Variants in SOX2 observed in about 807,000 individuals in gnomAD.
The protein encoded by SOX2 is SRY-box transcription factor 2, also known as transcription factor SOX-2.
In SOX2, 2 loss-of-function variants were observed where a neutral mutation model predicts 19.7. The observed-to-expected ratio is 0.10, with a 90% confidence interval of 0.04 to 0.32. The LOEUF is 0.32. Ranked by LOEUF, SOX2 falls within the 10% of genes least tolerant of loss-of-function variation. The pLI is 1.00. For missense variants in SOX2, 294 were observed against 459.9 expected, an observed-to-expected ratio of 0.64 and a Z score of 3.30; for synonymous variants, 211 against 196.8, an observed-to-expected ratio of 1.07 and a Z score of -0.60.
chr3:181,713,407 G>A lies in SOX2; in HGVS notation c.*93G>A. The A allele has an allele frequency of 2.0e-6, 3 of 1,468,800 alleles. No homozygotes were observed. The highest frequency in any genetic ancestry group is 2.8e-6 in the Non-Finnish European group (3 of 1,075,522). The allele number at this position is 1,468,800 out of a possible 1,614,324, so 91.0% of individuals were successfully genotyped here. ...AAAGAGGAGAGTAAGAAACAGCATG[G>A]AGAAAACCCGGTACGCTCAAAAAGA... is the stretch of plus-strand genomic sequence containing the variant. On this transcript the variant is annotated 3_prime_UTR_variant, in exon 1 of 1. Transcript: ENST00000325404.
rs1204543187 is a variant in SOX2, at chr3:181,712,366, C to T, written c.6C>T (p.Tyr2=). 1 of 1,534,848 alleles carries T rather than the reference C, an allele frequency of 6.5e-7. No homozygotes were observed. Among genetic ancestry groups the T allele is most frequent in the African/African-American group, 1.4e-5 (1 of 71,898 alleles). Residue 2 remains tyrosine, a synonymous_variant, in exon 1 of 1, where the codon TAC becomes TAT. Coordinates refer to ENST00000325404, the MANE Select transcript of SOX2 (RefSeq NM_003106.4). The surrounding 1 kb of genome is among the most constrained non-coding windows in gnomAD (Gnocchi z 8.5). ...GGCCCGCGCACAGCGCCCGCATGTA[C>T]AACATGATGGAGACGGAGCTGAAGC... M[Y]NMMETELKPP...
Position 181,713,605 on chromosome 3 carries a change from T to TGGGTTGGGG in SOX2, c.*294_*295insTTGGGGGGG. ...TTGTACAGAGAAAACCTGGGGAGGG[T>TGGGTTGGGG]GGGGAGGGCGGGGGAATGGACCTTG... On this transcript the variant is annotated 3_prime_UTR_variant, in exon 1 of 1. Transcript: ENST00000325404. 1.4e-5 allele frequency: 1 copy of TGGGTTGGGG among 69,164 alleles called. No homozygotes were observed. Among genetic ancestry groups the TGGGTTGGGG allele is most frequent in the African/African-American group, 1.6e-4 (1 of 6,232 alleles). 4.3% of individuals were successfully genotyped at this position (69,164 alleles called of 1,614,324 possible).
rs1341730817 is a variant in SOX2 at position 181,712,722 on chromosome 3, A to T, written c.362A>T (p.Lys121Met). 6.2e-7 allele frequency: 1 copy of T among 1,613,182 alleles called. No homozygotes were observed. The highest frequency in any genetic ancestry group is 1.3e-5 in the African/African-American group (1 of 74,894). ...CGGCGGAAAACCAAGACGCTCATGA[A>T]GAAGGATAAGTACACGCTGCCCGGC... ...RPRRKTKTLM[K>M]KDKYTLPGGL... Residue 121 changes from lysine (K) to methionine (M), a missense_variant, in exon 1 of 1, where the codon AAG (lysine) becomes ATG (methionine). Physicochemically the swap from Lys to Met is moderately conservative, Grantham distance 95. This residue lies in a region of SOX2 where 223 missense variants were observed against 292.7 expected (regional missense o/e 0.76). Coordinates refer to ENST00000325404, the MANE Select transcript of SOX2 (RefSeq NM_003106.4). The surrounding 1 kb of genome is among the most constrained non-coding windows in gnomAD (Gnocchi z 8.5).
chr3:181,712,450 C>G lies in SOX2; in HGVS notation c.90C>G (p.Ala30=), dbSNP rs745913995. ...GGGGNSTAAA[A]GGNQKNSPDR... ...GCGGCAACTCCACCGCGGCGGCGGC[C>G]GGCGGCAACCAGAAAAACAGCCCGG... Residue 30 remains alanine (A), a synonymous_variant, in exon 1 of 1, where the codon GCC becomes GCG. Transcript: ENST00000325404. This position sits in a 1 kb window ranked among gnomAD's most constrained non-coding sequence, Gnocchi z 8.5. 1.2e-6 allele frequency: 2 copies of G among 1,609,786 alleles called. No homozygotes were observed. The highest frequency in any genetic ancestry group is 1.1e-5 in the South Asian group (1 of 90,908).
chr3:181,712,305 C>A lies in SOX2; in HGVS notation c.-56C>A. On this transcript the variant is annotated 5_prime_UTR_variant, in exon 1 of 1. Transcript: ENST00000325404. The surrounding 1 kb of genome is among the most constrained non-coding windows in gnomAD (Gnocchi z 8.5). ...CCCGCCCGCGGGCCCCCCAAAGTCC[C>A]GGCCGGGCCGAGGGTCGGCGGCCGC... 7.6e-7 allele frequency: 1 copy of A among 1,309,908 alleles called. No homozygotes were observed. Among genetic ancestry groups the A allele is most frequent in the Admixed American group, 4.2e-5 (1 of 23,962 alleles). The allele number at this position is 1,309,908 out of a possible 1,614,324, so 81.1% of individuals were successfully genotyped here.
Position 181,713,331 on chromosome 3 carries a change from TG to T in SOX2, c.*19del. On this transcript the variant is annotated 3_prime_UTR_variant, in exon 1 of 1. Coordinates refer to ENST00000325404, the MANE Select transcript of SOX2 (RefSeq NM_003106.4). ...CACATGTGAGGGCCGGACAGCGAAC[TG>T]GAGGGGGGAGAAATTTTCAAAGAAA... 1 of 1,553,834 alleles carries T rather than the reference TG, an allele frequency of 6.4e-7. No homozygotes were observed. The highest frequency in any genetic ancestry group is 8.7e-7 in the Non-Finnish European group (1 of 1,149,168).
Position 181,712,091 on chromosome 3 carries a change from C to G in SOX2, c.-270C>G, listed in dbSNP as rs555005969. 2.7e-6 allele frequency: 1 copy of G among 366,834 alleles called. No individual in the cohort carries two copies. The highest frequency in any genetic ancestry group is 2.1e-5 in the African/African-American group (1 of 48,096). 22.7% of individuals were successfully genotyped at this position (366,834 alleles called of 1,614,324 possible). A position where few individuals can be genotyped will look rare whatever the true frequency, so the allele number is the denominator to read the frequency against. On this transcript the variant is annotated 5_prime_UTR_variant, in exon 1 of 1. Coordinates refer to ENST00000325404, the MANE Select transcript of SOX2 (RefSeq NM_003106.4). This position sits in a 1 kb window ranked among gnomAD's most constrained non-coding sequence, Gnocchi z 8.5. ...GAGAAGTTTGAGCCCCAGGCTTAAG[C>G]CTTTCCAAAAAATAATAATAACAAT...
At position 181,712,058 on chromosome 3, in the gene SOX2, G is replaced by T. The variant is rs950265408; in HGVS notation, c.-303G>T. 3.0e-6 allele frequency: 1 copy of T among 333,336 alleles called. No individual in the cohort carries two copies. Among genetic ancestry groups the T allele is most frequent in the African/African-American group, 2.1e-5 (1 of 47,658 alleles). The allele number at this position is 333,336 out of a possible 1,614,324, so 20.6% of individuals were successfully genotyped here. A position where few individuals can be genotyped will look rare whatever the true frequency, so the allele number is the denominator to read the frequency against. On this transcript the variant is annotated 5_prime_UTR_variant, in exon 1 of 1. Coordinates refer to ENST00000325404, the MANE Select transcript of SOX2 (RefSeq NM_003106.4). This position sits in a 1 kb window ranked among gnomAD's most constrained non-coding sequence, Gnocchi z 8.5. ...TGAGAGAAAGAAGAGGAGAGAGAAA[G>T]AAAGGGAGAGAAGTTTGAGCCCCAG...
Position 181,713,425 on chromosome 3 carries a change from CAAAAAGA to C in SOX2, c.*116_*122del. The C allele has an allele frequency of 7.6e-7, 1 of 1,320,640 alleles. No individual in the cohort carries two copies. Among genetic ancestry groups the C allele is most frequent in the Non-Finnish European group, 1.0e-6 (1 of 958,438 alleles). The allele number at this position is 1,320,640 out of a possible 1,614,324, so 81.8% of individuals were successfully genotyped here. On this transcript the variant is annotated 3_prime_UTR_variant, in exon 1 of 1. Transcript: ENST00000325404. ...CAGCATGGAGAAAACCCGGTACGCT[CAAAAAGA>C]AAAAGGAAAAAAAAAAATCCCATCA...
At position 181,712,439 on chromosome 3, in the gene SOX2, G is replaced by A. The variant is rs2108521474; in HGVS notation, c.79G>A (p.Ala27Thr). Reference protein sequence around the residue: ...TSGGGGGNSTAAAAGGNQKNS... With the variant: ...TSGGGGGNSTTAAAGGNQKNS... ...GGGGGGCGGCGGCGGCAACTCCACC[G>A]CGGCGGCGGCCGGCGGCAACCAGAA... Residue 27 changes from alanine (A) to threonine (T), a missense_variant, in exon 1 of 1, where the codon GCG (alanine) becomes ACG (threonine). Ala to Thr is a moderately conservative substitution (Grantham distance 58). This residue lies in a region of SOX2 where 51 missense variants were observed against 54.9 expected (regional missense o/e 0.93). Coordinates refer to ENST00000325404, the MANE Select transcript of SOX2 (RefSeq NM_003106.4). The surrounding 1 kb of genome is among the most constrained non-coding windows in gnomAD (Gnocchi z 8.5). The A allele has an allele frequency of 1.9e-6, 3 of 1,606,118 alleles. No homozygotes were observed. Among genetic ancestry groups the A allele is most frequent in the Non-Finnish European group, 2.6e-6 (3 of 1,176,414 alleles).
In SOX2 at chr3:181,712,273, C is replaced by G. The variant is rs890851361; in HGVS notation, c.-88C>G. Reference sequence around the variant, plus strand: ...ACACCCCCGCCCGCCTCCCCTCCTCCTCTCCCCCCGCCCGCGGGCCCCCCA... The same window carrying G: ...ACACCCCCGCCCGCCTCCCCTCCTCGTCTCCCCCCGCCCGCGGGCCCCCCA... On this transcript the variant is annotated 5_prime_UTR_variant, in exon 1 of 1. Transcript: ENST00000325404. The surrounding 1 kb of genome is among the most constrained non-coding windows in gnomAD (Gnocchi z 8.5). The G allele has an allele frequency of 6.5e-5, 73 of 1,123,022 alleles. No individual in the cohort carries two copies. Among genetic ancestry groups the G allele is most frequent in the Non-Finnish European group, 6.5e-5 (57 of 880,528 alleles). 69.6% of individuals were successfully genotyped at this position (1,123,022 alleles called of 1,614,324 possible). A position where few individuals can be genotyped will look rare whatever the true frequency, so the allele number is the denominator to read the frequency against.
rs565838530 is a variant in SOX2 at position 181,713,129 on chromosome 3, T to C, written c.769T>C (p.Ser257Pro). 5.0e-6 allele frequency: 8 copies of C among 1,613,622 alleles called. No homozygotes were observed. The South Asian group carries it at 8.8e-5, about 18-fold the overall frequency. The change falls in exon 1 of 1, where the codon TCT becomes CCT. Residue 257 changes from serine (S) to proline (P), a missense_variant. This residue lies in a region of SOX2 where 223 missense variants were observed against 292.7 expected (regional missense o/e 0.76). Transcript: ENST00000325404. ...EASSSPPVVTSSSHSRAPCQA... is the reference protein window; with the variant it reads ...EASSSPPVVTPSSHSRAPCQA... ...CAGCTCCAGCCCCCCTGTGGTTACC[T>C]CTTCCTCCCACTCCAGGGCGCCCTG... is the stretch of plus-strand genomic sequence containing the variant.
At position 181,712,322 on chromosome 3, in the gene SOX2, G is replaced by C. The variant is rs1441034041; in HGVS notation, c.-39G>C. On this transcript the variant is annotated 5_prime_UTR_variant, in exon 1 of 1. Transcript: ENST00000325404. This position sits in a 1 kb window ranked among gnomAD's most constrained non-coding sequence, Gnocchi z 8.5. ...CAAAGTCCCGGCCGGGCCGAGGGTC[G>C]GCGGCCGCCGGCGGGCCGGGCCCGC... 1.5e-6 allele frequency: 2 copies of C among 1,334,704 alleles called. No individual in the cohort carries two copies. Among genetic ancestry groups the C allele is most frequent in the Non-Finnish European group, 1.9e-6 (2 of 1,048,826 alleles). The allele number at this position is 1,334,704 out of a possible 1,614,324, so 82.7% of individuals were successfully genotyped here.
Position 181,713,568 on chromosome 3 carries a change from G to C in SOX2, c.*254G>C, listed in dbSNP as rs563991531. On this transcript the variant is annotated 3_prime_UTR_variant, in exon 1 of 1. Transcript: ENST00000325404. Reference sequence around the variant, plus strand: ...TGAGAGAGATCCTGGACTTCTTTTTGGGGGACTATTTTTGTACAGAGAAAA... The same window carrying C: ...TGAGAGAGATCCTGGACTTCTTTTTCGGGGACTATTTTTGTACAGAGAAAA... 1.7e-6 allele frequency: 1 copy of C among 589,578 alleles called. No individual in the cohort carries two copies. The highest frequency in any genetic ancestry group is 2.9e-5 in the East Asian group (1 of 34,266). The allele number at this position is 589,578 out of a possible 1,614,324, so 36.5% of individuals were successfully genotyped here.
chr3:181,712,795 G>C lies in SOX2; in HGVS notation c.435G>C (p.Val145=). 3 of 1,601,866 alleles carry C rather than the reference G, an allele frequency of 1.9e-6. No homozygotes were observed. Among genetic ancestry groups the C allele is most frequent in the Non-Finnish European group, 2.6e-6 (3 of 1,174,540 alleles). Reference sequence around the variant, plus strand: ...ATAGCATGGCGAGCGGGGTCGGGGTGGGCGCCGGCCTGGGCGCGGGCGTGA... The same window carrying C: ...ATAGCATGGCGAGCGGGGTCGGGGTCGGCGCCGGCCTGGGCGCGGGCGTGA... ...GGNSMASGVG[V]GAGLGAGVNQ... The change falls in exon 1 of 1, where the codon GTG becomes GTC. Residue 145 remains valine (V), a synonymous_variant. Coordinates refer to ENST00000325404, the MANE Select transcript of SOX2 (RefSeq NM_003106.4). The surrounding 1 kb of genome is among the most constrained non-coding windows in gnomAD (Gnocchi z 8.5).
rs369799712 is a variant in SOX2 at position 181,713,003 on chromosome 3, A to T, written c.643A>T (p.Thr215Ser). ...LQYNSMTSSQTYMNGSPTYSM... is the reference protein window; with the variant it reads ...LQYNSMTSSQSYMNGSPTYSM... ...GTACAACTCCATGACCAGCTCGCAG[A>T]CCTACATGAACGGCTCGCCCACCTA... Residue 215 changes from threonine (T) to serine (S), a missense_variant, in exon 1 of 1, where the codon ACC (threonine) becomes TCC (serine). This residue lies in a region of SOX2 where 223 missense variants were observed against 292.7 expected (regional missense o/e 0.76). Coordinates refer to ENST00000325404, the MANE Select transcript of SOX2 (RefSeq NM_003106.4). 5.0e-6 allele frequency: 8 copies of T among 1,613,756 alleles called. No homozygotes were observed. In the African/African-American group the frequency reaches 1.1e-4, roughly 22 times the overall value.
Position 181,712,266 on chromosome 3 carries a change from C to T in SOX2, c.-95C>T, listed in dbSNP as rs537409876. 14 of 1,025,612 alleles carry T rather than the reference C, an allele frequency of 1.4e-5. No individual in the cohort carries two copies. The South Asian group carries it at 3.1e-4, about 22-fold the overall frequency. 63.5% of individuals were successfully genotyped at this position (1,025,612 alleles called of 1,614,324 possible). ...GCTCCCGACACCCCCGCCCGCCTCC[C>T]CTCCTCCTCTCCCCCCGCCCGCGGG... On this transcript the variant is annotated 5_prime_UTR_variant, in exon 1 of 1. Transcript: ENST00000325404. This position sits in a 1 kb window ranked among gnomAD's most constrained non-coding sequence, Gnocchi z 8.5.
chr3:181,713,107 C>T lies in SOX2; in HGVS notation c.747C>T (p.Ser249=), dbSNP rs758059463. 6.2e-7 allele frequency: 1 copy of T among 1,613,924 alleles called. No individual in the cohort carries two copies. Among genetic ancestry groups the T allele is most frequent in the Non-Finnish European group, 8.5e-7 (1 of 1,180,030 alleles). The change falls in exon 1 of 1, where the codon AGC becomes AGT. Residue 249 remains serine (S), a synonymous_variant. Transcript: ENST00000325404. Reference sequence around the variant, plus strand: ...GTTCGGTGGTCAAGTCCGAGGCCAGCTCCAGCCCCCCTGTGGTTACCTCTT... The same window carrying T: ...GTTCGGTGGTCAAGTCCGAGGCCAGTTCCAGCCCCCCTGTGGTTACCTCTT... ...SMGSVVKSEA[S]SSPPVVTSSS...
rs751676715 is a variant in SOX2 at position 181,712,945 on chromosome 3, G to A, written c.585G>A (p.Gln195=). 3 of 1,613,888 alleles carry A rather than the reference G, an allele frequency of 1.9e-6. No individual in the cohort carries two copies. Among genetic ancestry groups the A allele is most frequent in the Non-Finnish European group, 2.5e-6 (3 of 1,180,044 alleles). Residue 195 remains glutamine (Q), a synonymous_variant, in exon 1 of 1, where the codon CAG becomes CAA. Transcript: ENST00000325404. The surrounding 1 kb of genome is among the most constrained non-coding windows in gnomAD (Gnocchi z 8.5). ...ATGCGCACGGCGCAGCGCAGATGCA[G>A]CCCATGCACCGCTACGACGTGAGCG... ...GLNAHGAAQM[Q]PMHRYDVSAL...
Sources: allele counts gnomAD v4.1 joint callset, GRCh38; gene constraint gnomAD v4.1.1; regional missense constraint gnomAD v4.1.1; non-coding constraint Gnocchi (gnomAD v3.1); transcripts MANE v1.5; gene names NCBI Gene and HGNC (gene_info 2026-07-23, HGNC 2026-07-21).